RPS6KC1: variants seen among roughly 807,000 people sequenced by gnomAD.
RPS6KC1 encodes the protein inactive ribosomal protein S6 kinase delta-1.
In RPS6KC1, 54 loss-of-function variants were observed where a neutral mutation model predicts 103.8. The observed-to-expected ratio is 0.52, with a 90% CI of 0.42 to 0.65. The LOEUF is 0.65. Ranked by LOEUF, RPS6KC1 falls within the 30% of genes least tolerant of loss-of-function variation. The pLI is 0.00. For synonymous variants in RPS6KC1, 439 were observed against 438.7 expected (o/e 1.00, Z -0.01); for missense variants, 1,151 against 1,253.8 (o/e 0.92, Z 1.24).
intron 3 of RPS6KC1, among the ~76,000 whole-genome samples, chr1:213,096,580 G>T (rs182358061): frequency 2.0e-5 from 3 of 152,056 alleles, no homozygotes; most frequent in East Asian, 3.9e-4. Flanking sequence ...CAGGAGAATT[G>T]CTTGAACCCG....
At chr1:213,409,463 CTG>C in the RPS6KC1 span, among the ~76,000 whole-genome samples, 15 of 151,794 alleles carry the variant, frequency 9.9e-5, no homozygotes, top group Admixed American at 7.9e-4. Context: ...GGTGTGGAGA[CTG>C]TTTGTGAGGG....
the RPS6KC1 span, among the ~76,000 whole-genome samples, chr1:213,853,092 G>C: frequency 1.3e-5 from 2 of 152,306 alleles, no homozygotes; most frequent in East Asian, 3.9e-4. Flanking sequence ...TGTCAAGGGG[G>C]AGAACAGCTA....
At chr1:213,860,694 A>C in the RPS6KC1 span, among the ~76,000 whole-genome samples, 1 of 152,208 alleles carries the variant, frequency 6.6e-6, no homozygotes. Flanking sequence ...GGCTAATTGG[A>C]CTTCAGTGCA....
At chr1:213,804,504 C>T in the RPS6KC1 span, among the ~76,000 whole-genome samples, 2 of 152,226 alleles carry the variant, frequency 1.3e-5, no homozygotes, top group African/African-American at 4.8e-5. Flanking sequence ...TAGATTCCTG[C>T]TGCAAGGCTT....
intron 8 of RPS6KC1, among the ~76,000 whole-genome samples, chr1:213,196,577 T>C (rs2092956188): frequency 1.3e-5 from 2 of 152,222 alleles, no homozygotes; most frequent in African/African-American, 4.8e-5. Context: ...CTAGAAGAGT[T>C]TTTCTGATGT....
chr1:213,176,138 T>C (rs1465037533), intron 7 of RPS6KC1, among the ~76,000 whole-genome samples: 1 of 152,202 alleles, frequency 6.6e-6, no homozygotes, highest in Non-Finnish European at 1.5e-5. Flanking sequence ...AACTGCCAGC[T>C]CATTAATTTT....
At chr1:213,171,932 C>T (rs918447899) in intron 7 of RPS6KC1, among the ~76,000 whole-genome samples, 5 of 152,112 alleles carry the variant, frequency 3.3e-5, no homozygotes, top group Admixed American at 1.3e-4. Flanking sequence ...CAGTAGAGTT[C>T]AGAGTGTGGT....
At chr1:213,782,406 C>G in the RPS6KC1 span, among the ~76,000 whole-genome samples, 1 of 152,088 alleles carries the variant, frequency 6.6e-6, no homozygotes, top group Non-Finnish European at 1.5e-5. Context: ...TAACCTGGGT[C>G]AACCACCAAG....
intron 3 of RPS6KC1, among the ~76,000 whole-genome samples, chr1:213,079,687 G>T (rs2079675991): frequency 6.6e-6 from 1 of 151,880 alleles, no homozygotes; most frequent in South Asian, 2.1e-4. Flanking sequence ...CAAAGTCCTG[G>T]GATTACAGTT....
intron 7 of RPS6KC1, among the ~76,000 whole-genome samples, chr1:213,172,129 A>G (rs1481814840): frequency 6.6e-6 from 1 of 152,210 alleles, no homozygotes; most frequent in African/African-American, 2.4e-5. Context: ...CTACTGAATC[A>G]GTATCTTCTT....
Position 213,189,265 on chromosome 1 carries a change from A to G in RPS6KC1, c.1044+12773A>G, listed in dbSNP as rs1458739889. Among the ~76,000 whole-genome samples, 3 of 152,108 alleles carry G rather than the reference A, an allele frequency of 2.0e-5. No homozygotes were observed. In the East Asian group the frequency reaches 5.8e-4, roughly 29 times the overall value. ...GGAGTTCGAGACCAGCCTGGCCAAC[A>G]TGGTGAAACCTTGTCTCTACTAAAA... On this transcript the variant is annotated intron_variant, in intron 8 of 14. Coordinates refer to ENST00000366960, the MANE Select transcript of RPS6KC1 (RefSeq NM_012424.6).
At chr1:213,157,397 CGGGGTTTCA>C (rs2090015384) in intron 6 of RPS6KC1, among the ~76,000 whole-genome samples, 1 of 151,798 alleles carries the variant, frequency 6.6e-6, no homozygotes, top group African/African-American at 2.4e-5. Flanking sequence ...TTAGTAGAGA[CGGGGTTTCA>C]CCGTGTTAGC....
the RPS6KC1 span, among the ~76,000 whole-genome samples, chr1:213,453,884 T>A: frequency 1.3e-5 from 2 of 152,120 alleles, no homozygotes; most frequent in Non-Finnish European, 2.9e-5. Context: ...ACATGGATAT[T>A]TTTCAAAAAA....
At chr1:213,470,547 A>C in the RPS6KC1 span, among the ~76,000 whole-genome samples, 10 of 152,086 alleles carry the variant, frequency 6.6e-5, no homozygotes, top group East Asian at 1.5e-3. Flanking sequence ...GGGCTACAAA[A>C]TGGTAATATT....
intron 6 of RPS6KC1, among the ~76,000 whole-genome samples, chr1:213,133,872 TC>T: frequency 6.6e-6 from 1 of 152,158 alleles, no homozygotes; most frequent in East Asian, 1.9e-4. Context: ...TCTCACATGT[TC>T]CTCCTAATTA....
At chr1:213,144,731 A>G (rs1041815622) in intron 6 of RPS6KC1, among the ~76,000 whole-genome samples, 1 of 152,062 alleles carries the variant, frequency 6.6e-6, no homozygotes, top group Non-Finnish European at 1.5e-5. Context: ...GTACAATAGC[A>G]ATATCATATC....
At chr1:213,433,051 G>A in the RPS6KC1 span, among the ~76,000 whole-genome samples, 572 of 152,312 alleles carry the variant, frequency 3.8e-3, no homozygotes, top group South Asian at 6.8e-3. Context: ...AGACTGATAT[G>A]TGTCTCACTG....
chr1:213,198,548 T>C (rs1376973299), intron 8 of RPS6KC1, among the ~76,000 whole-genome samples: 2 of 152,194 alleles, frequency 1.3e-5, no homozygotes, highest in Non-Finnish European at 2.9e-5. Context: ...AAATAAGTTT[T>C]CCAAACTTTT....
the RPS6KC1 span, among the ~76,000 whole-genome samples, chr1:213,314,656 C>CTT: frequency 2.9e-4 from 38 of 132,222 alleles, no homozygotes; most frequent in African/African-American, 8.3e-4. Context: ...ACCACGGTGG[C>CTT]TTTTTTTTTT....
Sources: allele counts gnomAD v4.1 joint callset (sites outside exome capture counted in the v4.1 genomes callset), GRCh38; gene constraint gnomAD v4.1.1; transcripts MANE v1.5; gene names NCBI Gene and HGNC (gene_info 2026-07-23, HGNC 2026-07-21).